The following FAP variants were observed in gnomAD, a reference collection of about 807,000 sequenced individuals.
The protein encoded by FAP is prolyl endopeptidase FAP.
A neutral mutation model predicts 126.5 loss-of-function variants in FAP; 110 were observed. That is an observed-to-expected ratio of 0.87 (90% CI 0.74 to 1.02). The LOEUF (loss-of-function observed/expected upper bound fraction) is 1.02, where lower values mean the gene tolerates loss of function less well. FAP is among the 50% of genes least tolerant of loss of function. The pLI is 0.00. For missense variants in FAP, 919 were observed against 909.2 expected (o/e 1.01, Z -0.14); for synonymous variants, 334 against 297.3 (o/e 1.12, Z -1.27).
intron 8 of FAP, 143 bp from the exon 9 acceptor site, chr2:162,218,283 T>C (rs1689236013): frequency 1.9e-6 from 1 of 528,148 alleles, no homozygotes; most frequent in Non-Finnish European, 3.2e-6. Context: ...TATTAAAAAA[T>C]TACATAATCT....
At chr2:162,227,292 G>T (rs1689696149) in intron 2 of FAP, among the ~76,000 whole-genome samples, 1 of 152,094 alleles carries the variant, frequency 6.6e-6, no homozygotes, top group Non-Finnish European at 1.5e-5. Context: ...AGAGTAGAGG[G>T]TTTTCTGTAG....
rs1687278307 is a variant in FAP, at chr2:162,170,843, T to C, written c.*136A>G. 1 of 621,954 alleles carries C rather than the reference T, an allele frequency of 1.6e-6. No homozygotes were observed. The highest frequency in any genetic ancestry group is 1.8e-5 in the African/African-American group (1 of 54,412). 38.5% of individuals were successfully genotyped at this position (621,954 alleles called of 1,614,324 possible). A position where few individuals can be genotyped will look rare whatever the true frequency, so the allele number is the denominator to read the frequency against. On this transcript the variant is annotated 3_prime_UTR_variant, in exon 26 of 26. Transcript: ENST00000188790. ...GAACTTCTGAGTCCTCATCTTTTTT[T>C]TAACAGCCTTTAGAACAACATTAAT...
At chr2:162,173,661 C>A in intron 23 of FAP, 62 bp downstream of exon 23, 1 of 1,145,974 alleles carries the variant, frequency 8.7e-7, no homozygotes. Context: ...TGAACTACTG[C>A]TTTTAAGTTA....
At chr2:162,206,721 A>G (rs958953833) in intron 12 of FAP, among the ~76,000 whole-genome samples, 2 of 152,210 alleles carry the variant, frequency 1.3e-5, no homozygotes, top group African/African-American at 4.8e-5. Context: ...AAAACAAAAC[A>G]AACATGTTTT....
chr2:162,177,230 A>C (rs1167827268), intron 21 of FAP, among the ~76,000 whole-genome samples: 4 of 152,164 alleles, frequency 2.6e-5, no homozygotes, highest in Non-Finnish European at 5.9e-5. Context: ...TATCTTTAAA[A>C]ACATTCTTAG....
intron 25 of FAP, 159 bp from the exon 26 acceptor site, chr2:162,171,239 C>T (rs887982218): frequency 2.6e-5 from 15 of 572,650 alleles, no homozygotes; most frequent in Non-Finnish European, 4.3e-5. Flanking sequence ...TAAATATTTA[C>T]AGCAGGAAGA....
At chr2:162,241,300 T>C (rs1576207438) in intron 2 of FAP, among the ~76,000 whole-genome samples, 1 of 152,234 alleles carries the variant, frequency 6.6e-6, no homozygotes, top group East Asian at 1.9e-4. Context: ...ATACTATATA[T>C]AGTTTACGAC....
chr2:162,237,553 A>G (rs921275615), intron 2 of FAP, among the ~76,000 whole-genome samples: 2 of 152,178 alleles, frequency 1.3e-5, no homozygotes. Flanking sequence ...ATGGCTGCAT[A>G]GTATTCCATG....
intron 11 of FAP, 102 bp from the exon 12 acceptor site, chr2:162,210,098 T>G: frequency 1.1e-6 from 1 of 909,808 alleles, no homozygotes; most frequent in Non-Finnish European, 1.7e-6. Flanking sequence ...GATCAGAGTA[T>G]ACCATTACTA....
chr2:162,200,567 T>C lies in FAP; in HGVS notation c.1276A>G (p.Arg426Gly), dbSNP rs758981922. 1.4e-5 allele frequency: 20 copies of C among 1,475,990 alleles called. No individual in the cohort carries two copies. Among genetic ancestry groups the C allele is most frequent in the Non-Finnish European group, 1.8e-5 (19 of 1,074,828 alleles). 91.4% of individuals were successfully genotyped at this position (1,475,990 alleles called of 1,614,324 possible). The change falls in exon 15 of 26, where the codon AGA becomes GGA. Residue 426 changes from arginine to glycine, a missense_variant and splice_region_variant. Arg to Gly is a moderately radical substitution (Grantham distance 125). Coordinates refer to ENST00000188790, the MANE Select transcript of FAP (RefSeq NM_004460.5). Reference protein sequence around the residue: ...EEYPGRRNIYRISIGSYPPSK... With the variant: ...EEYPGRRNIYGISIGSYPPSK... ...CCAGAATGAATGGACATAAATTACC[T>C]GTAGATGTTTCTTCTTCCAGGGTAT...
chr2:162,185,172 A>C (rs1233717089), intron 20 of FAP, among the ~76,000 whole-genome samples: 1 of 152,206 alleles, frequency 6.6e-6, no homozygotes, highest in African/African-American at 2.4e-5. Context: ...GTCAGTAACA[A>C]ATGAAAAGGA....
chr2:162,192,642 A>T (rs1688091546), intron 17 of FAP, among the ~76,000 whole-genome samples: 1 of 152,100 alleles, frequency 6.6e-6, no homozygotes, highest in Admixed American at 6.6e-5. Context: ...GTCCAAACTG[A>T]TCTTCTGGCA....
intron 11 of FAP, among the ~76,000 whole-genome samples, chr2:162,211,047 A>T (rs1471859804): frequency 6.6e-6 from 1 of 152,166 alleles, no homozygotes; most frequent in African/African-American, 2.4e-5. Context: ...CAGGAAATGT[A>T]TTTCCCAGCC....
At chr2:162,226,285 G>T (rs1689642347) in intron 3 of FAP, among the ~76,000 whole-genome samples, 1 of 152,064 alleles carries the variant, frequency 6.6e-6, no homozygotes, top group Admixed American at 6.6e-5. Flanking sequence ...TTTCAACAAT[G>T]CATTTTCAAC....
intron 2 of FAP, among the ~76,000 whole-genome samples, chr2:162,229,866 T>C (rs1435545389): frequency 6.6e-6 from 1 of 152,146 alleles, no homozygotes; most frequent in Non-Finnish European, 1.5e-5. Flanking sequence ...ACTCAAAAAA[T>C]CTGTAAAGCA....
At chr2:162,211,313 C>T (rs1235649687) in intron 11 of FAP, among the ~76,000 whole-genome samples, 1 of 152,166 alleles carries the variant, frequency 6.6e-6, no homozygotes, top group Admixed American at 6.5e-5. Flanking sequence ...CCCCAACCCC[C>T]ACCATACCCC....
At chr2:162,212,514 G>A (rs1305466061) in intron 11 of FAP, among the ~76,000 whole-genome samples, 2 of 152,048 alleles carry the variant, frequency 1.3e-5, no homozygotes, top group Non-Finnish European at 2.9e-5. Context: ...ATCAAAATTA[G>A]TCGAGCCTCT....
chr2:162,209,099 T>C (rs529618036), intron 12 of FAP, among the ~76,000 whole-genome samples: 32 of 152,224 alleles, frequency 2.1e-4, no homozygotes, highest in African/African-American at 7.2e-4. Context: ...AATTTTTATA[T>C]AATTTATCAT....
chr2:162,216,990 T>G (rs1044282269), intron 9 of FAP, among the ~76,000 whole-genome samples: 3 of 152,234 alleles, frequency 2.0e-5, no homozygotes, highest in Non-Finnish European at 2.9e-5. Flanking sequence ...CTCCCAAAGA[T>G]CTGAGTTCTT....
Sources: allele counts gnomAD v4.1 joint callset (sites outside exome capture counted in the v4.1 genomes callset), GRCh38; gene constraint gnomAD v4.1.1; transcripts MANE v1.5; gene names NCBI Gene and HGNC (gene_info 2026-07-23, HGNC 2026-07-21).